The following ERG variants were observed in gnomAD, a reference collection of about 807,000 sequenced individuals.
ERG encodes the protein transcriptional regulator ERG.
In ERG, 9 loss-of-function variants were observed where a neutral mutation model predicts 55.3. The ratio of observed to expected loss-of-function variants is 0.16; its 90% CI spans 0.10 to 0.28. The LOEUF (loss-of-function observed/expected upper bound fraction) is 0.28. Ranked by LOEUF, ERG falls within the 10% of genes least tolerant of loss-of-function variation. The pLI is 1.00. For missense variants in ERG, 434 were observed against 631.6 expected (o/e 0.69, Z 3.35); for synonymous variants, 223 against 237.3 (o/e 0.94, Z 0.55).
chr21:38,620,436 C>T (rs556211707), intron 1 of ERG, among the ~76,000 whole-genome samples: 2 of 152,310 alleles, frequency 1.3e-5, no homozygotes, highest in Admixed American at 1.3e-4. Context: ...CCGCAGCCAG[C>T]TCGTCTGCTT....
chr21:38,539,684 TG>T (rs1485973163), intron 2 of ERG, among the ~76,000 whole-genome samples: 30 of 152,292 alleles, frequency 2.0e-4, no homozygotes, highest in Non-Finnish European at 4.1e-4. Flanking sequence ...CCTGCCTGTC[TG>T]GCTCCTCTGC....
chr21:38,480,417 C>G (rs1157782323), intron 1 of ERG, among the ~76,000 whole-genome samples: 1 of 151,956 alleles, frequency 6.6e-6, no homozygotes, highest in African/African-American at 2.4e-5. Context: ...GGGACCAACC[C>G]AGCCAACACC....
At chr21:38,402,841 T>C (rs779806000) in intron 4 of ERG, among the ~76,000 whole-genome samples, 11 of 152,014 alleles carry the variant, frequency 7.2e-5, no homozygotes, top group Non-Finnish European at 1.3e-4. Flanking sequence ...AAAACCTACA[T>C]GGGGGCCCGT....
At chr21:38,469,940 T>A (rs763118289) in intron 1 of ERG, among the ~76,000 whole-genome samples, 1 of 152,234 alleles carries the variant, frequency 6.6e-6, no homozygotes, top group Non-Finnish European at 1.5e-5. Context: ...CTTAATTGTA[T>A]AATCTATATT....
chr21:38,589,488 G>C (rs1289786748), upstream of ERG, among the ~76,000 whole-genome samples: 1 of 152,220 alleles, frequency 6.6e-6, no homozygotes, highest in Non-Finnish European at 1.5e-5. Context: ...CCCAACACCA[G>C]TGTAAATCCT....
upstream of ERG, among the ~76,000 whole-genome samples, chr21:38,589,202 A>G (rs1298714231): frequency 1.3e-5 from 2 of 151,856 alleles, no homozygotes; most frequent in African/African-American, 2.4e-5. Flanking sequence ...AGCTACCCTC[A>G]CTCCAAGAAG....
At chr21:38,464,753 C>T (rs953519351) in intron 1 of ERG, among the ~76,000 whole-genome samples, 2 of 151,626 alleles carry the variant, frequency 1.3e-5, no homozygotes, top group African/African-American at 4.8e-5. Context: ...GTGTGATGTT[C>T]CCCTCCTTGT....
chr21:38,441,001 T>G (rs760456437), intron 2 of ERG, among the ~76,000 whole-genome samples: 17 of 152,162 alleles, frequency 1.1e-4, no homozygotes, highest in Non-Finnish European at 1.5e-5. Context: ...TCACCACTTA[T>G]GTTTCAATTC....
At chr21:38,450,466 C>G (rs980229035) in intron 1 of ERG, among the ~76,000 whole-genome samples, 1 of 152,192 alleles carries the variant, frequency 6.6e-6, no homozygotes, top group Non-Finnish European at 1.5e-5. Context: ...AGATCATTCA[C>G]TTAGGAAGCC....
chr21:38,387,804 G>A (rs937182650), intron 9 of ERG, among the ~76,000 whole-genome samples: 6 of 152,296 alleles, frequency 3.9e-5, no homozygotes, highest in Non-Finnish European at 4.4e-5. Flanking sequence ...CATTCTAAAC[G>A]CTTTACATGT....
chr21:38,480,858 G>A (rs2059232644), intron 1 of ERG, among the ~76,000 whole-genome samples: 1 of 152,042 alleles, frequency 6.6e-6, no homozygotes, highest in African/African-American at 2.4e-5. Context: ...CTTGGGAGGT[G>A]TTTTGACAAA....
intron 6 of ERG, chr21:38,395,420 A>G (rs1988167975): frequency 4.5e-6 from 1 of 221,776 alleles, no homozygotes; most frequent in South Asian, 1.8e-4. Context: ...ACTTCCAATA[A>G]GAATATATTT....
chr21:38,401,674 C>T (rs570111288), intron 5 of ERG, among the ~76,000 whole-genome samples: 9 of 152,292 alleles, frequency 5.9e-5, no homozygotes, highest in African/African-American at 2.2e-4. Context: ...TCCCGTCTCC[C>T]TCCCTAGCCC....
intron 1 of ERG, among the ~76,000 whole-genome samples, chr21:38,645,160 G>GA (rs550658598): frequency 1.2e-4 from 18 of 151,632 alleles, no homozygotes; most frequent in South Asian, 8.3e-4. Context: ...CTCTGTCTCA[G>GA]AAAAAAATAA....
At chr21:38,655,305 T>A (rs1248030249) in intron 1 of ERG, among the ~76,000 whole-genome samples, 1 of 152,076 alleles carries the variant, frequency 6.6e-6, no homozygotes, top group Non-Finnish European at 1.5e-5. Context: ...CACTCTCATG[T>A]CAAGCAGAAT....
At chr21:38,661,293 G>C (rs8132169) in intron 1 of ERG, among the ~76,000 whole-genome samples, 12,138 of 152,264 alleles carry the variant, frequency 0.08, 1,224 homozygotes, top group African/African-American at 0.23. Context: ...ATTGAAAATA[G>C]TAAAAGTGAA....
intron 5 of ERG, among the ~76,000 whole-genome samples, chr21:38,401,488 C>G (rs1988491743): frequency 6.6e-6 from 1 of 152,114 alleles, no homozygotes; most frequent in African/African-American, 2.4e-5. Context: ...ATTAAAAAGA[C>G]AATGTGTTGA....
At chr21:38,589,662 T>C (rs1378487499), upstream of ERG, among the ~76,000 whole-genome samples, 6 of 152,166 alleles carry the variant, frequency 3.9e-5, no homozygotes, top group Admixed American at 6.5e-5. Context: ...GTGTGGCACT[T>C]GGAACTGTGA....
intron 1 of ERG, among the ~76,000 whole-genome samples, chr21:38,606,404 A>G (rs2060197439): frequency 6.6e-6 from 1 of 152,224 alleles, no homozygotes; most frequent in Admixed American, 6.5e-5. Context: ...TACTTTATAG[A>G]GACACTTTCA....
Sources: gnomAD v4.1 joint callset for allele counts (sites outside exome capture counted in the v4.1 genomes callset) on GRCh38, gnomAD v4.1.1 for gene constraint, MANE v1.5 for transcripts, NCBI Gene and HGNC (gene_info 2026-07-23, HGNC 2026-07-21) for gene names.